PPP4R3A: variants seen among roughly 807,000 people sequenced by gnomAD.
The protein encoded by PPP4R3A is protein phosphatase 4 regulatory subunit 3A.
In PPP4R3A, 15 loss-of-function variants were observed where a neutral mutation model predicts 91.7. The ratio of observed to expected loss-of-function variants is 0.16; its 90% confidence interval spans 0.11 to 0.25. The LOEUF (loss-of-function observed/expected upper bound fraction) is 0.25, where lower values mean the gene tolerates loss of function less well. Among genes scored for constraint, PPP4R3A ranks in the 10% least tolerant of loss-of-function variants. The probability of loss-of-function intolerance (pLI) is 1.00; values close to 1 mark genes in which losing one functional copy is unlikely to be tolerated. For missense variants in PPP4R3A, 623 were observed against 998.4 expected, an observed-to-expected ratio of 0.62 and a Z score of 5.07; for synonymous variants, 377 against 348.7, an observed-to-expected ratio of 1.08 and a Z score of -0.91.
intron 1 of PPP4R3A, among the ~76,000 whole-genome samples, 189 bp from the exon 2 acceptor site, chr14:91,490,991 C>T (rs894040381): frequency 5.9e-5 from 9 of 151,280 alleles, no homozygotes; most frequent in Admixed American, 4.0e-4. Context: ...CTGCAACCTC[C>T]GCCTCCCAGG....
At chr14:91,476,326 T>C (rs1263889648) in intron 6 of PPP4R3A, 82 bp downstream of exon 6, 16 of 1,031,790 alleles carry the variant, frequency 1.6e-5, no homozygotes, top group Non-Finnish European at 2.2e-5. Flanking sequence ...TTGGCTATAA[T>C]AGAATATTTG....
intron 10 of PPP4R3A, among the ~76,000 whole-genome samples, chr14:91,469,814 T>C (rs1888733120): frequency 6.6e-6 from 1 of 152,062 alleles, no homozygotes. Flanking sequence ...TCTGCCAGCC[T>C]CATCCTCCCA....
intron 3 of PPP4R3A, among the ~76,000 whole-genome samples, chr14:91,484,213 G>C (rs1294845666): frequency 6.6e-6 from 1 of 152,226 alleles, no homozygotes; most frequent in Non-Finnish European, 1.5e-5. Flanking sequence ...GAAAGGGACA[G>C]CTTAACAGAC....
chr14:91,481,263 C>T (rs941566242), intron 4 of PPP4R3A, among the ~76,000 whole-genome samples: 13 of 152,148 alleles, frequency 8.5e-5, no homozygotes, highest in Admixed American at 4.6e-4. Flanking sequence ...GCCAGGGAAG[C>T]GAAGGTGGAG....
At chr14:91,474,512 T>C (rs1251192897) in intron 7 of PPP4R3A, 2 of 152,206 alleles carry the variant, frequency 1.3e-5, no homozygotes, top group Admixed American at 6.5e-5. Flanking sequence ...AAAAGAGTCC[T>C]ACTGTGTGTA....
chr14:91,481,673 A>G lies in PPP4R3A; in HGVS notation c.818T>C (p.Met273Thr), dbSNP rs1352814952. 1.9e-6 allele frequency: 3 copies of G among 1,613,458 alleles called. No homozygotes were observed. Among genetic ancestry groups the G allele is most frequent in the Non-Finnish European group, 2.5e-6 (3 of 1,179,874 alleles). ...QTYRVQYIQDMVLPTPSVFEE... is the reference protein window; with the variant it reads ...QTYRVQYIQDTVLPTPSVFEE... ...AAAGACCGAAGGAGTTGGTAGAACC[A>G]TATCTTGTATATACTGAACTCTGTA... is the stretch of plus-strand genomic sequence containing the variant. The change falls in exon 4 of 15, where the codon ATG becomes ACG. Residue 273 changes from methionine (M) to threonine (T), a missense_variant. Coordinates refer to ENST00000554943, the MANE Select transcript of PPP4R3A (RefSeq NM_001366432.2).
chr14:91,471,245 C>T (rs892640791), intron 9 of PPP4R3A, among the ~76,000 whole-genome samples: 3 of 152,080 alleles, frequency 2.0e-5, no homozygotes, highest in African/African-American at 7.2e-5. Flanking sequence ...TAACTAGACC[C>T]AAGTTGGAAA....
At chr14:91,482,971 T>C (rs543975145) in intron 3 of PPP4R3A, among the ~76,000 whole-genome samples, 134 of 152,302 alleles carry the variant, frequency 8.8e-4, no homozygotes, top group Non-Finnish European at 1.7e-3. Context: ...ACGAAAATAT[T>C]TTCCTTTCTA....
intron 10 of PPP4R3A, among the ~76,000 whole-genome samples, chr14:91,468,667 CAAAAAAAAAAAAA>C (rs766250846): frequency 2.2e-5 from 1 of 45,044 alleles, no homozygotes; most frequent in African/African-American, 1.1e-4. Flanking sequence ...GACTCCGTCT[CAAAAAAAAAAAAA>C]AAAAAAAAAG....
chr14:91,461,831 C>T (rs1331127530), intron 13 of PPP4R3A: 2 of 898,638 alleles, frequency 2.2e-6, no homozygotes, highest in Admixed American at 6.3e-5. Flanking sequence ...GTATCCCTAC[C>T]CTTCCTGAAA....
intron 1 of PPP4R3A, among the ~76,000 whole-genome samples, chr14:91,497,558 A>C (rs1890660034): frequency 6.6e-6 from 1 of 152,224 alleles, no homozygotes; most frequent in Non-Finnish European, 1.5e-5. Flanking sequence ...CAGTACAATT[A>C]GATCTGCCAC....
chr14:91,465,471 T>A (rs937358072), intron 10 of PPP4R3A, 52 bp from the exon 11 acceptor site: 31 of 1,428,194 alleles, frequency 2.2e-5, no homozygotes, highest in Non-Finnish European at 2.6e-5. Context: ...TTCCATACTT[T>A]AGACTTACCA....
chr14:91,461,596 C>T lies in PPP4R3A; in HGVS notation c.2176G>A (p.Glu726Lys). The T allele has an allele frequency of 6.2e-7, 1 of 1,613,746 alleles. No individual in the cohort carries two copies. The highest frequency in any genetic ancestry group is 8.5e-7 in the Non-Finnish European group (1 of 1,179,806). Residue 726 changes from glutamate (E) to lysine (K), a missense_variant, in exon 14 of 15, where the codon GAG becomes AAG. Physicochemically the swap from Glu to Lys is moderately conservative, Grantham distance 56. Coordinates refer to ENST00000554943, the MANE Select transcript of PPP4R3A (RefSeq NM_001366432.2). ...FMERKKLKES[E>K]EKEVLLKTNL... The stretch of plus-strand genomic sequence containing the variant: ...GTTTTCAGAAGCACTTCCTTTTCCT[C>T]ACTTTCTTTTACTAAAAATGAGAAT...
At chr14:91,466,682 A>G (rs572828352) in intron 10 of PPP4R3A, among the ~76,000 whole-genome samples, 2 of 152,290 alleles carry the variant, frequency 1.3e-5, no homozygotes, top group African/African-American at 4.8e-5. Context: ...AAACACTAAG[A>G]GGCATCTTTC....
chr14:91,503,852 A>G (rs1006913605), intron 1 of PPP4R3A, among the ~76,000 whole-genome samples: 5 of 152,224 alleles, frequency 3.3e-5, no homozygotes, highest in African/African-American at 7.2e-5. Flanking sequence ...AGAATTAAAA[A>G]TAAAAACAAA....
intron 10 of PPP4R3A, among the ~76,000 whole-genome samples, chr14:91,469,010 C>T (rs991020384): frequency 6.6e-6 from 1 of 151,264 alleles, no homozygotes; most frequent in African/African-American, 2.4e-5. Flanking sequence ...TTTCCTAGTA[C>T]ACCAGATATA....
In PPP4R3A at chr14:91,488,273, T is replaced by C. The variant is rs545489344; in HGVS notation, c.198+2474A>G. 2.0e-5 allele frequency among the ~76,000 whole-genome samples: 3 copies of C among 152,270 alleles called. No individual in the cohort carries two copies. The South Asian group carries it at 6.2e-4, about 32-fold the overall frequency. ...AACTCTGTTCAGTCATTTATATAAC[T>C]GTCAATCATGAGACCAGTAGTCTCA... On this transcript the variant is annotated intron_variant, in intron 2 of 14. Coordinates refer to ENST00000554943, the MANE Select transcript of PPP4R3A (RefSeq NM_001366432.2).
At chr14:91,463,670 C>G (rs1333031267) in intron 11 of PPP4R3A, among the ~76,000 whole-genome samples, 1 of 151,952 alleles carries the variant, frequency 6.6e-6, no homozygotes, top group Non-Finnish European at 1.5e-5. Flanking sequence ...AACTCCTGGC[C>G]TAAAGCAATC....
At chr14:91,501,871 A>ATT (rs755484959) in intron 1 of PPP4R3A, among the ~76,000 whole-genome samples, 1,300 of 100,114 alleles carry the variant, frequency 0.013, 2 homozygotes, top group Middle Eastern at 0.016. Context: ...AGCCCGGCTA[A>ATT]TTTTTTTTTT....
Sources: allele counts gnomAD v4.1 joint callset (sites outside exome capture counted in the v4.1 genomes callset), GRCh38; gene constraint gnomAD v4.1.1; transcripts MANE v1.5; gene names NCBI Gene and HGNC (gene_info 2026-07-23, HGNC 2026-07-21).